CADM2: variants seen among roughly 807,000 people sequenced by gnomAD.
CADM2 encodes cell adhesion molecule 2.
In CADM2, 12 loss-of-function variants were observed where a neutral mutation model predicts 49.8. That is an observed-to-expected ratio of 0.24 (90% confidence interval 0.15 to 0.39). The LOEUF (loss-of-function observed/expected upper bound fraction) is 0.39, where lower values mean the gene tolerates loss of function less well. Ranked by LOEUF, CADM2 falls within the 10% of genes least tolerant of loss-of-function variation. The pLI is 1.00. For synonymous variants in CADM2, 214 were observed against 175.4 expected (o/e 1.22, Z -1.74); for missense variants, 378 against 492.3 (o/e 0.77, Z 2.20).
chr3:85,900,353 G>A (rs1715943249), intron 5 of CADM2, among the ~76,000 whole-genome samples: 1 of 152,074 alleles, frequency 6.6e-6, no homozygotes, highest in Admixed American at 6.6e-5. Context: ...GAAAATGAAT[G>A]AGAGGGAAAC....
chr3:85,397,146 C>CA (rs1198550609), intron 1 of CADM2, among the ~76,000 whole-genome samples: 6 of 151,840 alleles, frequency 4.0e-5, no homozygotes, highest in African/African-American at 1.2e-4. Flanking sequence ...CCAGTAAACA[C>CA]AAAAAAGATG....
intron 1 of CADM2, among the ~76,000 whole-genome samples, chr3:85,124,077 T>C (rs1331118930): frequency 6.6e-6 from 1 of 152,138 alleles, no homozygotes; most frequent in Non-Finnish European, 1.5e-5. Context: ...TGTAATTAGG[T>C]CCCCTGTGTT....
chr3:85,122,284 A>C (rs2038890819), intron 1 of CADM2, among the ~76,000 whole-genome samples: 1 of 152,176 alleles, frequency 6.6e-6, no homozygotes. Context: ...CTCAAGACTA[A>C]TTAAACATGA....
chr3:85,707,705 C>T (rs1577131229), intron 1 of CADM2, among the ~76,000 whole-genome samples: 1 of 152,132 alleles, frequency 6.6e-6, no homozygotes, highest in Non-Finnish European at 1.5e-5. Flanking sequence ...ATCGAAAATA[C>T]ATCTTCCCTT....
intron 1 of CADM2, among the ~76,000 whole-genome samples, chr3:85,321,116 A>ATATATTTTTT: frequency 3.6e-5 from 1 of 27,494 alleles, no homozygotes. Context: ...ATATATATAT[A>ATATATTTTTT]TTTTTTTTTT....
intron 3 of CADM2, among the ~76,000 whole-genome samples, chr3:85,846,950 A>G (rs1475953831): frequency 4.6e-5 from 7 of 152,226 alleles, no homozygotes; most frequent in Admixed American, 4.6e-4. Context: ...AGCCCCACCA[A>G]AATGAGTGTA....
chr3:85,082,310 T>C (rs986103285), intron 1 of CADM2, among the ~76,000 whole-genome samples: 1 of 152,194 alleles, frequency 6.6e-6, no homozygotes, highest in South Asian at 2.1e-4. Flanking sequence ...ATATTATGTC[T>C]TACATTTTTG....
chr3:85,839,069 C>T (rs1366603342), intron 3 of CADM2, among the ~76,000 whole-genome samples: 1 of 151,660 alleles, frequency 6.6e-6, no homozygotes, highest in East Asian at 1.9e-4. Context: ...AATTTGAGAG[C>T]CTTGGTTTAA....
chr3:85,638,387 G>C (rs1190556649), intron 1 of CADM2, among the ~76,000 whole-genome samples: 1 of 151,922 alleles, frequency 6.6e-6, no homozygotes, highest in Non-Finnish European at 1.5e-5. Flanking sequence ...TCCACAAATT[G>C]ATACAACTAC....
At chr3:85,837,096 A>G (rs72908582) in intron 3 of CADM2, among the ~76,000 whole-genome samples, 6,569 of 151,584 alleles carry the variant, frequency 0.043, 446 homozygotes, top group African/African-American at 0.15. Context: ...ATGATCTGAG[A>G]TATGATTAGG....
chr3:85,901,195 A>AAAAAAAG (rs1161351491), intron 5 of CADM2, among the ~76,000 whole-genome samples: 1 of 152,164 alleles, frequency 6.6e-6, no homozygotes, highest in Admixed American at 6.5e-5. Flanking sequence ...ACTCCATCTC[A>AAAAAAAG]AAAAAAGAAA....
intron 1 of CADM2, among the ~76,000 whole-genome samples, chr3:85,719,669 G>A (rs894563317): frequency 6.6e-6 from 1 of 151,376 alleles, no homozygotes; most frequent in African/African-American, 2.5e-5. Flanking sequence ...GGAAAAGAAG[G>A]AACTGGTTAT....
rs1357065884 is a variant in CADM2 at position 85,008,902 on chromosome 3, C to A, written c.61+49234C>A. 2.6e-5 allele frequency among the ~76,000 whole-genome samples: 4 copies of A among 152,172 alleles called. No homozygotes were observed. The East Asian group carries it at 5.8e-4, about 22-fold the overall frequency. ...CTAAATGACGGATACTAAATGAAAT[C>A]TTTAGTTTGCATTTTAGAGAAAGCA... On this transcript the variant is annotated intron_variant, in intron 1 of 9. Transcript: ENST00000383699.
At chr3:85,712,292 T>C (rs987166017) in intron 1 of CADM2, among the ~76,000 whole-genome samples, 2 of 152,198 alleles carry the variant, frequency 1.3e-5, no homozygotes, top group African/African-American at 4.8e-5. Flanking sequence ...TTCTAAGATA[T>C]TTGTAATCTA....
At chr3:85,412,536 T>A (rs2107472641) in intron 1 of CADM2, among the ~76,000 whole-genome samples, 1 of 13,256 alleles carries the variant, frequency 7.5e-5, no homozygotes, top group South Asian at 5.1e-3. Flanking sequence ...TGTAATTCGT[T>A]TTTTTTTTTT....
chr3:85,923,647 G>A (rs1719449673), intron 6 of CADM2, among the ~76,000 whole-genome samples: 1 of 151,692 alleles, frequency 6.6e-6, no homozygotes, highest in Middle Eastern at 3.2e-3. Flanking sequence ...TCCAAAACCT[G>A]GGCAATCCTA....
chr3:85,556,972 G>A (rs1304401743), intron 1 of CADM2, among the ~76,000 whole-genome samples: 1 of 152,058 alleles, frequency 6.6e-6, no homozygotes, highest in Non-Finnish European at 1.5e-5. Flanking sequence ...CATTTGCTCT[G>A]AATTATTGGC....
intron 1 of CADM2, among the ~76,000 whole-genome samples, chr3:85,129,561 T>C (rs1356957122): frequency 6.6e-6 from 1 of 152,196 alleles, no homozygotes; most frequent in African/African-American, 2.4e-5. Context: ...TTTAATCTTT[T>C]TCTGTTCACT....
chr3:85,174,856 C>T (rs549791692), intron 1 of CADM2, among the ~76,000 whole-genome samples: 3 of 152,152 alleles, frequency 2.0e-5, no homozygotes, highest in East Asian at 1.9e-4. Flanking sequence ...TTGTGTCATA[C>T]GTTTTAGTTT....
Sources: gnomAD v4.1 joint callset for allele counts (sites outside exome capture counted in the v4.1 genomes callset) on GRCh38, gnomAD v4.1.1 for gene constraint, MANE v1.5 for transcripts, NCBI Gene and HGNC (gene_info 2026-07-23, HGNC 2026-07-21) for gene names.